Variants in ATR observed in about 807,000 individuals in gnomAD.
The protein encoded by ATR is ATR checkpoint kinase, also known as serine/threonine-protein kinase ATR.
In ATR, 142 loss-of-function variants were observed where a neutral mutation model predicts 305.3. That is an observed-to-expected ratio of 0.47 (90% confidence interval 0.41 to 0.53). The LOEUF (loss-of-function observed/expected upper bound fraction) is 0.53, where lower values mean the gene tolerates loss of function less well. ATR is among the 20% of genes least tolerant of loss of function. ATR has a pLI of 0.00. For synonymous variants in ATR, 1,050 were observed against 1,068.1 expected (o/e 0.98, Z 0.33); for missense variants, 2,135 against 3,133.1 (o/e 0.68, Z 7.60).
intron 1 of ATR, among the ~76,000 whole-genome samples, chr3:142,570,522 G>T (rs534659155): frequency 6.6e-6 from 1 of 152,150 alleles, no homozygotes; most frequent in Non-Finnish European, 1.5e-5. Context: ...GAGTAGCTGC[G>T]ATTACAAGCA....
At position 142,474,176 on chromosome 3, in the gene ATR, C is replaced by G. The variant is rs1012829126; in HGVS notation, c.6222-3993G>C. 1.4e-4 allele frequency among the ~76,000 whole-genome samples: 22 copies of G among 151,872 alleles called. No individual in the cohort carries two copies. In the East Asian group the frequency reaches 4.1e-3, roughly 28 times the overall value. On this transcript the variant is annotated intron_variant, in intron 36 of 46. Coordinates refer to ENST00000350721, the MANE Select transcript of ATR (RefSeq NM_001184.4). ...TCCTGACCTCAAGTGATCCACCTGC[C>G]TCAGTTTCCCAAAGTGCTGGGATTA...
chr3:142,498,221 T>C (rs1433788275), intron 32 of ATR, among the ~76,000 whole-genome samples: 1 of 152,160 alleles, frequency 6.6e-6, no homozygotes, highest in East Asian at 1.9e-4. Flanking sequence ...TGCCTATATT[T>C]TTGGGGGGAA....
rs1355032428 is a variant in ATR, at chr3:142,522,823, T to C, written c.4171A>G (p.Ser1391Gly). The change falls in exon 23 of 47, where the codon AGC (serine) becomes GGC (glycine). Residue 1391 changes from serine (S) to glycine (G), a missense_variant. Around this residue, in one of 9 missense-constraint regions of ATR, gnomAD observed 530 missense variants for 766.8 expected, o/e 0.69. Transcript: ENST00000350721. ...TCCATCAATAATCCATAGGCAAAGC[T>C]TGAATCTTCTACTCCAGTCTCAATC... ...FTFVTGVEDSSFAYGLLMELT... is the reference protein window; with the variant it reads ...FTFVTGVEDSGFAYGLLMELT... 6.2e-7 allele frequency: 1 copy of C among 1,612,584 alleles called. No homozygotes were observed. Among genetic ancestry groups the C allele is most frequent in the African/African-American group, 1.3e-5 (1 of 74,822 alleles).
rs1372433526 is a variant in ATR at position 142,524,193 on chromosome 3, G to A, written c.3952C>T (p.Leu1318=). The change falls in exon 22 of 47, where the codon CTG becomes TTG. Residue 1318 remains leucine, a synonymous_variant. Transcript: ENST00000350721. Reference sequence around the variant, plus strand: ...TCACTGTCTGTTGCATACTTTATCAGTTTTTCCTAAAATAAAAGTAGAAAG... The same window carrying A: ...TCACTGTCTGTTGCATACTTTATCAATTTTTCCTAAAATAAAAGTAGAAAG... The part of the protein sequence containing the change: ...KETLYKNQEK[L]IKYATDSETV... 6.2e-7 allele frequency: 1 copy of A among 1,611,824 alleles called. No individual in the cohort carries two copies. The highest frequency in any genetic ancestry group is 8.5e-7 in the Non-Finnish European group (1 of 1,178,288).
chr3:142,470,241 A>G (rs2071229390), intron 36 of ATR, 58 bp from the exon 37 acceptor site: 1 of 1,369,104 alleles, frequency 7.3e-7, no homozygotes, highest in East Asian at 2.4e-5. Flanking sequence ...ATATTATACG[A>G]ATTAAAATTT....
chr3:142,532,727 T>G (rs1577648161), intron 21 of ATR, among the ~76,000 whole-genome samples: 1 of 152,208 alleles, frequency 6.6e-6, no homozygotes, highest in Non-Finnish European at 1.5e-5. Context: ...GTTTAGCCAC[T>G]CCTACCACAA....
chr3:142,560,212 C>T (rs2034825436), intron 6 of ATR, 51 bp downstream of exon 6: 1 of 1,547,556 alleles, frequency 6.5e-7, no homozygotes. Context: ...AACAGTAAAT[C>T]CAAGTTCATT....
At chr3:142,474,216 T>C (rs530759167) in intron 36 of ATR, among the ~76,000 whole-genome samples, 95 of 151,872 alleles carry the variant, frequency 6.3e-4, no homozygotes, top group African/African-American at 2.3e-3. Context: ...TGTGAGCCAC[T>C]GTGCCCAGCC....
intron 36 of ATR, among the ~76,000 whole-genome samples, chr3:142,476,989 T>C (rs1266441449): frequency 6.6e-6 from 1 of 152,166 alleles, no homozygotes; most frequent in East Asian, 1.9e-4. Context: ...TTAAAGAAAT[T>C]TGGGGCTGAG....
chr3:142,492,834 A>G (rs2031369383), intron 35 of ATR, among the ~76,000 whole-genome samples: 2 of 152,270 alleles, frequency 1.3e-5, no homozygotes, highest in South Asian at 4.1e-4. Flanking sequence ...GAAGTTATAA[A>G]TTGGTTTTGC....
intron 1 of ATR, among the ~76,000 whole-genome samples, chr3:142,574,102 T>C (rs960784134): frequency 1.9e-4 from 29 of 152,296 alleles, no homozygotes; most frequent in Middle Eastern, 3.4e-3. Context: ...ATGTATTATT[T>C]GTGTAATTTT....
At position 142,553,714 on chromosome 3, in the gene ATR, T is replaced by C. The variant is rs758543356; in HGVS notation, c.2559A>G (p.Ala853=). ...TTCTTGATATTTGGGCATGTGTATA[T>C]GCTTCCTTCATTCTTAAGACAAAAA... ...KELFVLRMKE[A]YTHAQISRNN... Residue 853 remains alanine, a synonymous_variant, in exon 12 of 47, where the codon GCA becomes GCG. Coordinates refer to ENST00000350721, the MANE Select transcript of ATR (RefSeq NM_001184.4). 5.0e-6 allele frequency: 8 copies of C among 1,612,994 alleles called. No individual in the cohort carries two copies. The highest frequency in any genetic ancestry group is 4.0e-5 in the African/African-American group (3 of 75,032).
intron 36 of ATR, among the ~76,000 whole-genome samples, chr3:142,481,287 T>C (rs1388292575): frequency 6.6e-6 from 1 of 152,260 alleles, no homozygotes; most frequent in Non-Finnish European, 1.5e-5. Flanking sequence ...GTGCTTTCTC[T>C]GCATCTATTG....
intron 3 of ATR, among the ~76,000 whole-genome samples, chr3:142,563,399 C>T (rs756756978): frequency 2.6e-5 from 4 of 152,210 alleles, no homozygotes; most frequent in Non-Finnish European, 4.4e-5. Context: ...CTCTGTATCA[C>T]ATTTTGGTAA....
chr3:142,452,758 T>C (rs909967124), intron 46 of ATR: 90 of 1,082,346 alleles, frequency 8.3e-5, no homozygotes, highest in African/African-American at 2.2e-4. Flanking sequence ...AAGAAGTGAA[T>C]TGCTGCATTT....
intron 46 of ATR, chr3:142,451,764 C>A (rs1308297148): frequency 3.2e-5 from 37 of 1,168,270 alleles, no homozygotes; most frequent in Non-Finnish European, 3.9e-5. Context: ...AAAACAAAAA[C>A]TATTTGTAGA....
At chr3:142,449,776 TG>T in intron 46 of ATR, 174 bp from the exon 47 acceptor site, 1 of 689,228 alleles carries the variant, frequency 1.5e-6, no homozygotes, top group Non-Finnish European at 2.4e-6. Context: ...CTTGTGATAC[TG>T]ATTTGGAGGC....
At chr3:142,558,916 T>C (rs1236720681) in intron 7 of ATR, 140 bp from the exon 8 acceptor site, 2 of 863,060 alleles carry the variant, frequency 2.3e-6, no homozygotes, top group Admixed American at 2.9e-5. Flanking sequence ...CTATAAACGA[T>C]GGTCTGAGGT....
At chr3:142,520,920 G>A (rs1402770647) in intron 23 of ATR, among the ~76,000 whole-genome samples, 1 of 152,160 alleles carries the variant, frequency 6.6e-6, no homozygotes, top group East Asian at 1.9e-4. Context: ...CACAGCTAGA[G>A]AGGAGAAGTC....
Sources: allele counts gnomAD v4.1 joint callset (sites outside exome capture counted in the v4.1 genomes callset), GRCh38; gene constraint gnomAD v4.1.1; regional missense constraint gnomAD v4.1.1; transcripts MANE v1.5; gene names NCBI Gene and HGNC (gene_info 2026-07-23, HGNC 2026-07-21).